TRPM7: variants seen among roughly 807,000 people sequenced by gnomAD.
TRPM7 encodes the protein LTRPC ion channel family member 7.
TRPM7 carries 134 observed loss-of-function variants against 229.7 expected under a neutral mutation model. The ratio of observed to expected loss-of-function variants is 0.58; its 90% CI spans 0.51 to 0.67. TRPM7 has a LOEUF of 0.67. TRPM7 is among the 30% of genes least tolerant of loss of function. The pLI, the probability that TRPM7 is intolerant of heterozygous loss-of-function variation, is 0.00. For synonymous variants in TRPM7, 699 were observed against 715.2 expected (o/e 0.98, Z 0.36); for missense variants, 1,901 against 2,210.0 (o/e 0.86, Z 2.80).
chr15:50,655,165 G>A (rs1386776174), intron 3 of TRPM7, among the ~76,000 whole-genome samples: 2 of 142,708 alleles, frequency 1.4e-5, no homozygotes, highest in African/African-American at 4.9e-5. Context: ...GCCAAATGCA[G>A]TGGCTCACGC....
Position 50,664,804 on chromosome 15 carries a change from T to C in TRPM7, c.4-1758A>G, listed in dbSNP as rs531460076. 3.9e-5 allele frequency among the ~76,000 whole-genome samples: 6 copies of C among 152,050 alleles called. No individual in the cohort carries two copies. In the South Asian group the frequency reaches 1.2e-3, roughly 32 times the overall value. On this transcript the variant is annotated intron_variant, in intron 1 of 38. Coordinates refer to ENST00000646667, the MANE Select transcript of TRPM7 (RefSeq NM_017672.6). Reference sequence around the variant, plus strand: ...GTGAGACTCCATCTCTACAAAAAAATTAAACAGTCAGCCGGGTGTGGTGGT... The same window carrying C: ...GTGAGACTCCATCTCTACAAAAAAACTAAACAGTCAGCCGGGTGTGGTGGT...
At chr15:50,655,891 G>A (rs1228643223) in intron 3 of TRPM7, among the ~76,000 whole-genome samples, 1 of 152,058 alleles carries the variant, frequency 6.6e-6, no homozygotes. Flanking sequence ...TGGGGAGGCT[G>A]AGGCAGGAGA....
intron 1 of TRPM7, among the ~76,000 whole-genome samples, chr15:50,676,829 G>T (rs1038157448): frequency 1.3e-5 from 2 of 152,230 alleles, no homozygotes; most frequent in African/African-American, 4.8e-5. Flanking sequence ...TGATGGGAAA[G>T]TTTCCGCAAG....
At chr15:50,565,227 C>A in intron 38 of TRPM7, among the ~76,000 whole-genome samples, 1 of 152,008 alleles carries the variant, frequency 6.6e-6, no homozygotes. Flanking sequence ...AATGATCTGC[C>A]CTCCTTAGCC....
In TRPM7 at chr15:50,637,497, C is replaced by T. The variant is rs777838709; in HGVS notation, c.757G>A (p.Val253Ile). ...SHFILVDDGTVGKYGAEVRLR... is the reference protein window; with the variant it reads ...SHFILVDDGTIGKYGAEVRLR... ...CTGACTTCCGCCCCATACTTTCCAA[C>T]AGTGCCATCATCCACCAATATGAAA... is the stretch of plus-strand genomic sequence containing the variant. The change falls in exon 7 of 39, where the codon GTT becomes ATT. Residue 253 changes from valine to isoleucine, a missense_variant. Val to Ile is a conservative substitution (Grantham distance 29). Transcript: ENST00000646667. 2 of 1,614,030 alleles carry T rather than the reference C, an allele frequency of 1.2e-6. No individual in the cohort carries two copies. Among genetic ancestry groups the T allele is most frequent in the African/African-American group, 2.7e-5 (2 of 74,942 alleles).
intron 38 of TRPM7, among the ~76,000 whole-genome samples, chr15:50,569,348 C>T (rs1740924511): frequency 6.6e-6 from 1 of 152,130 alleles, no homozygotes; most frequent in South Asian, 2.1e-4. Context: ...AATATATTTA[C>T]AGTTCCTGTT....
In TRPM7 at chr15:50,559,059, T is replaced by TTA. The variant is rs56746961; in HGVS notation, c.*2618_*2619insTA. The TTA allele has an allele frequency of 3.4e-5, 2 of 59,050 alleles. No individual in the cohort carries two copies. The highest frequency in any genetic ancestry group is 8.2e-5 in the African/African-American group (2 of 24,508). 3.7% of individuals were successfully genotyped at this position (59,050 alleles called of 1,614,324 possible). ...AGGTGCACACCATCACATCCAGTTATTTTTTTTTTTTTGACGGAGTCTCGC... is the reference window on the plus strand; with the variant it reads ...AGGTGCACACCATCACATCCAGTTATTATTTTTTTTTTTTGACGGAGTCTCGC... On this transcript the variant is annotated 3_prime_UTR_variant, in exon 39 of 39. Transcript: ENST00000646667.
intron 12 of TRPM7, among the ~76,000 whole-genome samples, chr15:50,620,300 A>AT (rs150194184): frequency 0.15 from 22,159 of 147,486 alleles, 2,197 homozygotes; most frequent in Admixed American, 0.29. Flanking sequence ...TTTTTTTTCA[A>AT]TTTTTTTCAA....
At position 50,578,425 on chromosome 15, in the gene TRPM7, T is replaced by C. The variant is rs147925320; in HGVS notation, c.4618+214A>G. On this transcript the variant is annotated intron_variant, in intron 31 of 38. Transcript: ENST00000646667. ...CAGAGACCAAGTAGCAGGGAGGAAG[T>C]GTGACAGTAAAGATATCATCATTCA... 201 of 387,758 alleles carry C rather than the reference T, an allele frequency of 5.2e-4. 1 individual carries two copies. Among genetic ancestry groups the C allele is most frequent in the African/African-American group, 3.9e-3 (191 of 48,728 alleles). The allele number at this position is 387,758 out of a possible 1,614,324, so 24.0% of individuals were successfully genotyped here. A position where few individuals can be genotyped will look rare whatever the true frequency, so the allele number is the denominator to read the frequency against.
intron 3 of TRPM7, among the ~76,000 whole-genome samples, chr15:50,650,239 A>C (rs1400036555): frequency 1.3e-5 from 2 of 150,962 alleles, no homozygotes; most frequent in African/African-American, 4.9e-5. Flanking sequence ...TACTTAAGGC[A>C]AAGTTAAAAG....
intron 12 of TRPM7, among the ~76,000 whole-genome samples, chr15:50,622,064 G>A (rs2060423669): frequency 2.0e-5 from 3 of 151,842 alleles, no homozygotes; most frequent in African/African-American, 7.3e-5. Flanking sequence ...AAAAGTATCA[G>A]GCAGAAGGGT....
At chr15:50,601,781 G>T (rs915861587) in intron 21 of TRPM7, among the ~76,000 whole-genome samples, 2 of 151,918 alleles carry the variant, frequency 1.3e-5, no homozygotes, top group Non-Finnish European at 2.9e-5. Context: ...TGATGCAAAA[G>T]TAATTGCAGT....
chr15:50,585,986 AGAGT>A (rs1172800761), intron 28 of TRPM7, among the ~76,000 whole-genome samples: 3 of 148,676 alleles, frequency 2.0e-5, no homozygotes, highest in Non-Finnish European at 4.5e-5. Flanking sequence ...ATGTGGGAAC[AGAGT>A]GAGAGAGAAA....
At chr15:50,613,420 C>T (rs1412761129) in intron 15 of TRPM7, among the ~76,000 whole-genome samples, 4 of 146,178 alleles carry the variant, frequency 2.7e-5, no homozygotes, top group Non-Finnish European at 4.5e-5. Flanking sequence ...GAGAATCACT[C>T]GAACCTGGGA....
chr15:50,562,029 G>A (rs1396336085), intron 38 of TRPM7, among the ~76,000 whole-genome samples: 4 of 151,940 alleles, frequency 2.6e-5, no homozygotes, highest in Admixed American at 2.6e-4. Flanking sequence ...CAAATAGCTG[G>A]GATTACAGGC....
At chr15:50,665,845 T>C (rs2061864565) in intron 1 of TRPM7, among the ~76,000 whole-genome samples, 1 of 151,854 alleles carries the variant, frequency 6.6e-6, no homozygotes, top group Admixed American at 6.6e-5. Flanking sequence ...ATACAAAAAT[T>C]AGCAGAGTGT....
At chr15:50,678,376 A>G (rs557264420) in intron 1 of TRPM7, among the ~76,000 whole-genome samples, 1 of 151,880 alleles carries the variant, frequency 6.6e-6, no homozygotes, top group African/African-American at 2.4e-5. Flanking sequence ...GGTGACACAG[A>G]CAATGACAAA....
At chr15:50,606,829 T>C (rs1000549027) in intron 20 of TRPM7, among the ~76,000 whole-genome samples, 3 of 152,186 alleles carry the variant, frequency 2.0e-5, no homozygotes, top group Non-Finnish European at 2.9e-5. Context: ...ACCTACCTAA[T>C]TGGCTAAATC....
At chr15:50,641,710 T>C (rs1029331068) in intron 5 of TRPM7, among the ~76,000 whole-genome samples, 3 of 152,162 alleles carry the variant, frequency 2.0e-5, no homozygotes, top group African/African-American at 7.2e-5. Context: ...GTTCAAAAAA[T>C]AGCTGCTGGC....
Sources: allele counts gnomAD v4.1 joint callset (sites outside exome capture counted in the v4.1 genomes callset), GRCh38; gene constraint gnomAD v4.1.1; transcripts MANE v1.5; gene names NCBI Gene and HGNC (gene_info 2026-07-23, HGNC 2026-07-21).